The following LRP1B variants were observed in gnomAD, a reference collection of about 807,000 sequenced individuals.
LRP1B encodes low-density lipoprotein receptor-related protein 1B.
LRP1B carries 217 observed loss-of-function variants against 556.6 expected under a neutral mutation model. That is an observed-to-expected ratio of 0.39 (90% CI 0.35 to 0.44). The LOEUF is 0.44. LRP1B is among the 20% of genes least tolerant of loss of function. The probability of loss-of-function intolerance (pLI) is 1.00; values close to 1 mark genes in which losing one functional copy is unlikely to be tolerated. For missense variants in LRP1B, 5,053 were observed against 5,620.8 expected (o/e 0.90, Z 3.23); for synonymous variants, 2,047 against 1,865.8 (o/e 1.10, Z -2.50).
chr2:141,956,936 T>C (rs1204401453), intron 1 of LRP1B, among the ~76,000 whole-genome samples: 3 of 152,112 alleles, frequency 2.0e-5, no homozygotes, highest in Non-Finnish European at 4.4e-5. Context: ...CCCCAACTAA[T>C]GACAAAACAA....
chr2:141,153,342 AT>A (rs1558896445), intron 7 of LRP1B, among the ~76,000 whole-genome samples: 1 of 73,640 alleles, frequency 1.4e-5, no homozygotes, highest in Non-Finnish European at 2.9e-5. Flanking sequence ...ATAATAATAT[AT>A]TATATATTAG....
intron 2 of LRP1B, among the ~76,000 whole-genome samples, chr2:141,620,176 C>T (rs1574150192): frequency 6.6e-6 from 1 of 152,328 alleles, no homozygotes; most frequent in East Asian, 1.9e-4. Context: ...TGGTTTTGAA[C>T]TCATGGCCTC....
intron 41 of LRP1B, among the ~76,000 whole-genome samples, chr2:140,647,601 A>G (rs114262072): frequency 0.018 from 2,678 of 152,318 alleles, 44 homozygotes; most frequent in Admixed American, 0.047. Flanking sequence ...CACAAGTCAG[A>G]TGTGGTTCCT....
At chr2:140,661,340 A>G (rs1172619252) in intron 41 of LRP1B, among the ~76,000 whole-genome samples, 2 of 151,960 alleles carry the variant, frequency 1.3e-5, no homozygotes, top group African/African-American at 4.8e-5. Context: ...CAGGATTTTG[A>G]GACTATGGGT....
chr2:141,455,108 CT>C (rs1029086864), intron 3 of LRP1B, among the ~76,000 whole-genome samples: 9 of 152,210 alleles, frequency 5.9e-5, no homozygotes, highest in Admixed American at 3.3e-4. Context: ...TGAATTTAAA[CT>C]GTCTCTTATT....
chr2:140,929,007 A>G (rs980138225), intron 20 of LRP1B, among the ~76,000 whole-genome samples: 2 of 152,152 alleles, frequency 1.3e-5, no homozygotes, highest in Non-Finnish European at 2.9e-5. Context: ...ATAGGTATCT[A>G]TTAGAGATTT....
intron 1 of LRP1B, among the ~76,000 whole-genome samples, chr2:141,866,266 G>A (rs12691624): frequency 0.31 from 47,820 of 152,114 alleles, 8,687 homozygotes; most frequent in Middle Eastern, 0.46. Context: ...TTGAAAAATT[G>A]TGAAGACTCC....
intron 11 of LRP1B, among the ~76,000 whole-genome samples, chr2:141,046,417 C>A (rs998784386): frequency 5.3e-5 from 8 of 151,990 alleles, no homozygotes; most frequent in Non-Finnish European, 2.9e-5. Flanking sequence ...TGCTTTGACA[C>A]GTTAATCTCA....
At chr2:140,879,204 T>C (rs1693398794) in intron 25 of LRP1B, among the ~76,000 whole-genome samples, 1 of 152,156 alleles carries the variant, frequency 6.6e-6, no homozygotes, top group African/African-American at 2.4e-5. Context: ...ACCTTGTAAC[T>C]TTCTATCCAG....
In LRP1B at chr2:141,055,222, C is replaced by A. The variant is rs761185214; in HGVS notation, c.1446G>T (p.Met482Ile). The change falls in exon 10 of 91, where the codon ATG (methionine) becomes ATT (isoleucine). Residue 482 changes from methionine (M) to isoleucine (I), a missense_variant. Met to Ile is a conservative substitution (Grantham distance 10). Transcript: ENST00000389484. Reference sequence around the variant, plus strand: ...GACAGATGTGTGAACAGCCCCCTGGCATTCCATATGGATCGACTTCACATG... The same window carrying A: ...GACAGATGTGTGAACAGCCCCCTGGAATTCCATATGGATCGACTTCACATG... The part of the protein sequence containing the change: ...SHACEVDPYG[M>I]PGGCSHICLL... The A allele has an allele frequency of 6.2e-7, 1 of 1,611,538 alleles. No individual in the cohort carries two copies. Among genetic ancestry groups the A allele is most frequent in the Non-Finnish European group, 8.5e-7 (1 of 1,178,608 alleles).
chr2:140,283,967 G>T (rs1418333450), intron 84 of LRP1B, among the ~76,000 whole-genome samples: 1 of 151,608 alleles, frequency 6.6e-6, no homozygotes, highest in Non-Finnish European at 1.5e-5. Flanking sequence ...ATCAGATGAG[G>T]CTAACTGAAA....
chr2:141,860,636 A>G (rs1249729114), intron 1 of LRP1B, among the ~76,000 whole-genome samples: 1 of 152,194 alleles, frequency 6.6e-6, no homozygotes, highest in African/African-American at 2.4e-5. Context: ...CTTGACGTTC[A>G]TGAATATTAA....
In LRP1B at chr2:140,529,442, G is replaced by GGGA. The variant is rs1553481433; in HGVS notation, c.7763-3093_7763-3092insTCC. Among the ~76,000 whole-genome samples the GGGA allele has an allele frequency of 3.2e-3, 485 of 149,856 alleles. 11 individuals carry two copies. The highest frequency in any genetic ancestry group is 0.011 in the African/African-American group (464 of 40,614). On this transcript the variant is annotated intron_variant, in intron 47 of 90. Coordinates refer to ENST00000389484, the MANE Select transcript of LRP1B (RefSeq NM_018557.3). ...AAAGGGAAGCTGAAAAGGGGGGGGG[G>GGGA]AAGCATTAAGTTTGCTCTCATATCT...
intron 1 of LRP1B, among the ~76,000 whole-genome samples, chr2:142,028,186 T>G (rs1703570827): frequency 6.6e-6 from 1 of 151,982 alleles, no homozygotes; most frequent in Non-Finnish European, 1.5e-5. Context: ...TGGTTTACTT[T>G]AAAAACAATT....
intron 6 of LRP1B, among the ~76,000 whole-genome samples, chr2:141,220,448 C>T (rs1022361000): frequency 3.3e-5 from 5 of 151,982 alleles, no homozygotes; most frequent in Non-Finnish European, 5.9e-5. Context: ...ATGACTGATG[C>T]GGTACCTGAA....
At chr2:140,656,752 A>G (rs1450321730) in intron 41 of LRP1B, among the ~76,000 whole-genome samples, 1 of 152,172 alleles carries the variant, frequency 6.6e-6, no homozygotes, top group African/African-American at 2.4e-5. Flanking sequence ...GGAATTTTCA[A>G]TAACTTTTAA....
At chr2:140,946,722 T>G (rs1354554121) in intron 20 of LRP1B, among the ~76,000 whole-genome samples, 1 of 152,144 alleles carries the variant, frequency 6.6e-6, no homozygotes, top group Non-Finnish European at 1.5e-5. Flanking sequence ...AAGACACCCA[T>G]ACTTGTATGT....
intron 1 of LRP1B, among the ~76,000 whole-genome samples, chr2:141,983,471 C>T (rs1702099496): frequency 6.6e-6 from 1 of 152,126 alleles, no homozygotes; most frequent in Non-Finnish European, 1.5e-5. Context: ...TACTGAGCCC[C>T]TATCTCTTAT....
intron 60 of LRP1B, among the ~76,000 whole-genome samples, chr2:140,461,991 A>G (rs1687345004): frequency 6.6e-6 from 1 of 152,228 alleles, no homozygotes; most frequent in Non-Finnish European, 1.5e-5. Flanking sequence ...TACTTGAGTT[A>G]TAAAGAGTTT....
Sources: gnomAD v4.1 joint callset for allele counts (sites outside exome capture counted in the v4.1 genomes callset) on GRCh38, gnomAD v4.1.1 for gene constraint, MANE v1.5 for transcripts, NCBI Gene and HGNC (gene_info 2026-07-23, HGNC 2026-07-21) for gene names.